RAB7A: variants seen among roughly 807,000 people sequenced by gnomAD.
RAB7A encodes RAB7A, member RAS oncogene family, also known as ras-related protein Rab-7a.
RAB7A carries 2 observed loss-of-function variants against 24.5 expected under a neutral mutation model. That is an observed-to-expected ratio of 0.08 (90% CI 0.03 to 0.26). The LOEUF (loss-of-function observed/expected upper bound fraction) is 0.26. Ranked by LOEUF, RAB7A falls within the 10% of genes least tolerant of loss-of-function variation. The probability of loss-of-function intolerance (pLI) is 1.00; values close to 1 mark genes in which losing one functional copy is unlikely to be tolerated. For missense variants in RAB7A, 118 were observed against 255.7 expected, an observed-to-expected ratio of 0.46 and a Z score of 3.67; for synonymous variants, 100 against 95.9, an observed-to-expected ratio of 1.04 and a Z score of -0.25.
At chr3:128,770,310 A>G (rs947194688) in intron 1 of RAB7A, among the ~76,000 whole-genome samples, 3 of 152,038 alleles carry the variant, frequency 2.0e-5, no homozygotes, top group Non-Finnish European at 2.9e-5. Context: ...CCAGCCCACA[A>G]CTTACTTTTC....
Position 128,801,173 on chromosome 3 carries a change from G to A in RAB7A, c.180+3104G>A, listed in dbSNP as rs576879774. Among the ~76,000 whole-genome samples the A allele has an allele frequency of 2.8e-4, 43 of 152,308 alleles. No individual in the cohort carries two copies. In the South Asian group the frequency reaches 8.7e-3, roughly 31 times the overall value. On this transcript the variant is annotated intron_variant, in intron 3 of 5. Transcript: ENST00000265062. The stretch of plus-strand genomic sequence containing the variant: ...TGAATAAATCCTAGAGATGTGTACA[G>A]CATAGTGCCTGTAGTTAACAATACT...
Position 128,806,582 on chromosome 3 carries a change from A to G in RAB7A, c.391A>G (p.Asn131Asp), listed in dbSNP as rs1933807332. 2.5e-6 allele frequency: 4 copies of G among 1,613,350 alleles called. No individual in the cohort carries two copies. The highest frequency in any genetic ancestry group is 3.4e-6 in the Non-Finnish European group (4 of 1,179,310). ...GTTGGGAAACAAGATTGACCTCGAA[A>G]ACAGACAAGTAAGTACCAACGATGA... The part of the protein sequence containing the change: ...VVLGNKIDLE[N>D]RQVATKRAQA... Residue 131 changes from asparagine to aspartate, a missense_variant, in exon 4 of 6, where the codon AAC (asparagine) becomes GAC (aspartate). Asn to Asp is a conservative substitution (Grantham distance 23). Transcript: ENST00000265062.
intron 1 of RAB7A, among the ~76,000 whole-genome samples, chr3:128,788,860 C>G (rs112636619): frequency 0.012 from 1,821 of 152,294 alleles, 33 homozygotes; most frequent in African/African-American, 0.039. Flanking sequence ...TTTACCTGCT[C>G]ATGTTTCCTT....
intron 1 of RAB7A, among the ~76,000 whole-genome samples, chr3:128,749,890 T>C (rs1210269644): frequency 1.3e-5 from 2 of 152,196 alleles, no homozygotes; most frequent in African/African-American, 2.4e-5. Flanking sequence ...AGGACTAATA[T>C]GGTAAATGGG....
At chr3:128,776,114 CA>C (rs965419163) in intron 1 of RAB7A, among the ~76,000 whole-genome samples, 2 of 152,120 alleles carry the variant, frequency 1.3e-5, no homozygotes, top group African/African-American at 4.8e-5. Context: ...CTTTAGATTC[CA>C]CAGATAAGTG....
At chr3:128,811,311 C>T (rs1933921769) in intron 5 of RAB7A, among the ~76,000 whole-genome samples, 1 of 152,160 alleles carries the variant, frequency 6.6e-6, no homozygotes, top group South Asian at 2.1e-4. Flanking sequence ...GATCCTTTGC[C>T]TTTCACAGTA....
At chr3:128,779,364 C>T (rs1177364405) in intron 1 of RAB7A, among the ~76,000 whole-genome samples, 3 of 151,270 alleles carry the variant, frequency 2.0e-5, no homozygotes, top group Non-Finnish European at 2.9e-5. Flanking sequence ...GCCGAGATCA[C>T]GCCACTGCAC....
chr3:128,738,971 G>A (rs376196983), intron 1 of RAB7A, among the ~76,000 whole-genome samples: 1 of 152,182 alleles, frequency 6.6e-6, no homozygotes, highest in African/African-American at 2.4e-5. Flanking sequence ...TCTGAAAAAC[G>A]AGAGTAATGT....
chr3:128,758,175 G>T (rs1309582389), intron 1 of RAB7A, among the ~76,000 whole-genome samples: 2 of 151,728 alleles, frequency 1.3e-5, no homozygotes, highest in South Asian at 2.1e-4. Context: ...TATTGGTTAG[G>T]CTGGATTTGA....
Position 128,795,451 on chromosome 3 carries a change from T to G in RAB7A, c.53+31T>G, listed in dbSNP as rs760765904. 19 of 1,591,572 alleles carry G rather than the reference T, an allele frequency of 1.2e-5. No individual in the cohort carries two copies. The East Asian group carries it at 4.0e-4, about 34-fold the overall frequency. On this transcript the variant is annotated intron_variant, in intron 2 of 5. Transcript: ENST00000265062. ...TTACTCATGAATTTGAGCTAACAGA[T>G]TGGCTTAGAGCTAAGCCTCTCTGCT...
At chr3:128,773,056 C>G (rs1201078352) in intron 1 of RAB7A, among the ~76,000 whole-genome samples, 1 of 152,092 alleles carries the variant, frequency 6.6e-6, no homozygotes. Context: ...TGCCCATCGT[C>G]TGGGATGCGA....
intron 3 of RAB7A, among the ~76,000 whole-genome samples, chr3:128,800,331 T>C (rs1162481458): frequency 6.6e-6 from 1 of 152,244 alleles, no homozygotes; most frequent in Non-Finnish European, 1.5e-5. Flanking sequence ...AGACTGCCTT[T>C]TGCTGAGGGA....
At chr3:128,736,079 C>T (rs528166795) in intron 1 of RAB7A, among the ~76,000 whole-genome samples, 4 of 152,070 alleles carry the variant, frequency 2.6e-5, no homozygotes, top group Non-Finnish European at 5.9e-5. Flanking sequence ...GAGCAAAGTA[C>T]ATAAACAATG....
chr3:128,789,582 C>T (rs2107608446), intron 1 of RAB7A, among the ~76,000 whole-genome samples: 1 of 152,248 alleles, frequency 6.6e-6, no homozygotes, highest in African/African-American at 2.4e-5. Context: ...ATCTGCCCGC[C>T]TCAGCCTCTC....
chr3:128,730,750 A>G (rs147953811), intron 1 of RAB7A, among the ~76,000 whole-genome samples: 219 of 152,350 alleles, frequency 1.4e-3, no homozygotes, highest in African/African-American at 4.9e-3. Flanking sequence ...GTTGGTTCCA[A>G]TGCTGACCTA....
chr3:128,771,610 T>A (rs1161363311), intron 1 of RAB7A, among the ~76,000 whole-genome samples: 6 of 152,230 alleles, frequency 3.9e-5, no homozygotes, highest in African/African-American at 1.4e-4. Context: ...CATCCACCTT[T>A]TACAGATTTA....
chr3:128,810,093 C>A (rs1933893812), intron 5 of RAB7A, among the ~76,000 whole-genome samples: 1 of 151,352 alleles, frequency 6.6e-6, no homozygotes, highest in South Asian at 2.1e-4. Context: ...GGATTACAGG[C>A]ATCCGCCACC....
chr3:128,735,710 A>G (rs1034837753), intron 1 of RAB7A, among the ~76,000 whole-genome samples: 1 of 152,172 alleles, frequency 6.6e-6, no homozygotes, highest in Non-Finnish European at 1.5e-5. Context: ...TAGCCAGCCC[A>G]TTGTGGGCTC....
chr3:128,779,995 C>G (rs993775115), intron 1 of RAB7A, among the ~76,000 whole-genome samples: 2 of 152,150 alleles, frequency 1.3e-5, no homozygotes, highest in African/African-American at 4.8e-5. Context: ...GTTGATTGGT[C>G]AAAGAGTGCA....
Sources: allele counts gnomAD v4.1 joint callset (sites outside exome capture counted in the v4.1 genomes callset), GRCh38; gene constraint gnomAD v4.1.1; transcripts MANE v1.5; gene names NCBI Gene and HGNC (gene_info 2026-07-23, HGNC 2026-07-21).